Variants in LIN28A observed in about 807,000 individuals in gnomAD.
LIN28A encodes lin-28 RNA binding posttranscriptional regulator A.
LIN28A carries 11 observed loss-of-function variants against 21.1 expected under a neutral mutation model. That is an observed-to-expected ratio of 0.52 (90% CI 0.33 to 0.86). The LOEUF is 0.86. Among genes scored for constraint, LIN28A ranks in the 40% least tolerant of loss-of-function variants. The pLI is 0.03. For synonymous variants in LIN28A, 111 were observed against 108.7 expected (o/e 1.02, Z -0.13); for missense variants, 219 against 279.8 (o/e 0.78, Z 1.55).
At chr1:26,420,040 C>G (rs1345401082) in intron 2 of LIN28A, among the ~76,000 whole-genome samples, 1 of 152,208 alleles carries the variant, frequency 6.6e-6, no homozygotes, top group Non-Finnish European at 1.5e-5. Context: ...TCACTGCAAG[C>G]TCTGCCTCCC....
intron 2 of LIN28A, among the ~76,000 whole-genome samples, chr1:26,416,258 G>T (rs544069719): frequency 6.6e-6 from 1 of 152,318 alleles, no homozygotes; most frequent in South Asian, 2.1e-4. Flanking sequence ...CTCCCAAAGT[G>T]CTGGGATTAC....
chr1:26,413,758 C>T (rs898121563), intron 2 of LIN28A, among the ~76,000 whole-genome samples: 12 of 151,364 alleles, frequency 7.9e-5, no homozygotes, highest in African/African-American at 2.9e-4. Context: ...CCACCTTAAC[C>T]GTAAGTTAGA....
Position 26,411,636 on chromosome 1 carries a change from C to G in LIN28A, c.228+54C>G. The G allele has an allele frequency of 6.4e-7, 1 of 1,558,830 alleles. No homozygotes were observed. Among genetic ancestry groups the G allele is most frequent in the Non-Finnish European group, 8.7e-7 (1 of 1,143,860 alleles). ...GGGAAGGGCGTCTAGGCGCCCATAT[C>G]CACGGGTGGGCTCCGGGCTCGCAGT... is the stretch of plus-strand genomic sequence containing the variant. On this transcript the variant is annotated intron_variant, in intron 2 of 3. Coordinates refer to ENST00000326279, the MANE Select transcript of LIN28A (RefSeq NM_024674.6). This position sits in a 1 kb window ranked among gnomAD's most constrained non-coding sequence, Gnocchi z 5.4.
intron 2 of LIN28A, among the ~76,000 whole-genome samples, chr1:26,413,265 G>A (rs902254199): frequency 3.3e-5 from 5 of 152,126 alleles, no homozygotes; most frequent in East Asian, 1.9e-4. Flanking sequence ...CAGACCCAAC[G>A]TTTTCTCATC....
intron 2 of LIN28A, among the ~76,000 whole-genome samples, chr1:26,420,235 G>A (rs2075020710): frequency 6.6e-6 from 1 of 152,224 alleles, no homozygotes; most frequent in South Asian, 2.1e-4. Context: ...AAATTGCTGG[G>A]ATTACAGTTG....
At chr1:26,425,209 C>T (rs2075051653) in intron 2 of LIN28A, 94 bp from the exon 3 acceptor site, 1 of 1,247,836 alleles carries the variant, frequency 8.0e-7, no homozygotes, top group Non-Finnish European at 1.1e-6. Flanking sequence ...AGTACCATCA[C>T]ATTTGATTCC....
intron 2 of LIN28A, among the ~76,000 whole-genome samples, chr1:26,415,815 G>T (rs748062266): frequency 3.3e-5 from 5 of 152,064 alleles, no homozygotes; most frequent in Non-Finnish European, 5.9e-5. Context: ...TGGAAGCCAC[G>T]GATTTAGTGG....
intron 3 of LIN28A, 92 bp downstream of exon 3, chr1:26,425,579 G>C: frequency 8.1e-7 from 1 of 1,237,766 alleles, no homozygotes. Context: ...AAAAGACAAA[G>C]GGAAGCCTGT....
chr1:26,421,197 C>CT (rs1240109235), intron 2 of LIN28A, among the ~76,000 whole-genome samples: 1 of 152,126 alleles, frequency 6.6e-6, no homozygotes, highest in East Asian at 1.9e-4. Flanking sequence ...TCTTTCTCAG[C>CT]TGAATGATTA....
At position 26,411,084 on chromosome 1, in the gene LIN28A, C is replaced by T. The variant is rs1004880309; in HGVS notation, c.31+162C>T. Among the ~76,000 whole-genome samples the T allele has an allele frequency of 1.3e-5, 2 of 152,200 alleles. No individual in the cohort carries two copies. The highest frequency in any genetic ancestry group is 4.8e-5 in the African/African-American group (2 of 41,458). On this transcript the variant is annotated intron_variant, in intron 1 of 3. Transcript: ENST00000326279. This position sits in a 1 kb window ranked among gnomAD's most constrained non-coding sequence, Gnocchi z 5.4. ...TCTCTGGGGCCAGGAACCTTGGTGT[C>T]CCAGTGGCGTGCGCGCCAGACTACG...
intron 2 of LIN28A, among the ~76,000 whole-genome samples, chr1:26,421,264 G>C (rs1220694714): frequency 6.6e-6 from 1 of 152,098 alleles, no homozygotes; most frequent in African/African-American, 2.4e-5. Flanking sequence ...ATTATTTCAG[G>C]TACCAAAATG....
At chr1:26,413,540 GCTCTTGGAAC>G (rs1288006625) in intron 2 of LIN28A, among the ~76,000 whole-genome samples, 9 of 152,092 alleles carry the variant, frequency 5.9e-5, no homozygotes, top group Non-Finnish European at 1.2e-4. Context: ...TGGATTTTAG[GCTCTTGGAAC>G]ATCCAGGAAC....
In LIN28A at chr1:26,411,330, G is replaced by A; in HGVS notation, c.32-56G>A. On this transcript the variant is annotated intron_variant, in intron 1 of 3. Coordinates refer to ENST00000326279, the MANE Select transcript of LIN28A (RefSeq NM_024674.6). The surrounding 1 kb of genome is among the most constrained non-coding windows in gnomAD (Gnocchi z 5.4). ...TCGGGTCTCCCTGCCTGGGGCCCGA[G>A]ACGGCCCTCCGATTCCGTGCCCCCC... is the stretch of plus-strand genomic sequence containing the variant. 1 of 1,457,060 alleles carries A rather than the reference G, an allele frequency of 6.9e-7. No homozygotes were observed. The highest frequency in any genetic ancestry group is 9.0e-7 in the Non-Finnish European group (1 of 1,105,904). 90.3% of individuals were successfully genotyped at this position (1,457,060 alleles called of 1,614,324 possible).
At chr1:26,425,549 C>A in intron 3 of LIN28A, 62 bp downstream of exon 3, 1 of 1,492,986 alleles carries the variant, frequency 6.7e-7, no homozygotes, top group Non-Finnish European at 9.2e-7. Flanking sequence ...CCAATCCTGT[C>A]ACTTTTTGGG....
Position 26,419,737 on chromosome 1 carries a change from A to G in LIN28A, c.229-5566A>G, listed in dbSNP as rs140597510. 1.2e-3 allele frequency among the ~76,000 whole-genome samples: 186 copies of G among 152,270 alleles called. 1 individual carries two copies. The highest frequency in any genetic ancestry group is 4.1e-3 in the African/African-American group (172 of 41,554). ...TATAGATGATTAAAGAAAGGAGGGA[A>G]CAGGCCATCAGACTCAATCAACCCT... is the stretch of plus-strand genomic sequence containing the variant. On this transcript the variant is annotated intron_variant, in intron 2 of 3. Transcript: ENST00000326279.
chr1:26,415,485 A>C (rs1165511882), intron 2 of LIN28A, among the ~76,000 whole-genome samples: 1 of 152,150 alleles, frequency 6.6e-6, no homozygotes, highest in African/African-American at 2.4e-5. Flanking sequence ...AGCTCTTTGA[A>C]GGGAGGAACT....
intron 2 of LIN28A, among the ~76,000 whole-genome samples, chr1:26,412,376 GC>G (rs1301774214): frequency 3.3e-5 from 5 of 152,090 alleles, no homozygotes; most frequent in Non-Finnish European, 7.4e-5. Flanking sequence ...GGCATTTATG[GC>G]CCCAGACAGC....
chr1:26,420,375 A>G (rs1057453312), intron 2 of LIN28A, among the ~76,000 whole-genome samples: 1 of 152,060 alleles, frequency 6.6e-6, no homozygotes, highest in Non-Finnish European at 1.5e-5. Flanking sequence ...CATGGTGTGT[A>G]ATCCCAGCAC....
intron 2 of LIN28A, among the ~76,000 whole-genome samples, chr1:26,418,146 G>A (rs1270344261): frequency 6.6e-6 from 1 of 152,124 alleles, no homozygotes; most frequent in East Asian, 1.9e-4. Flanking sequence ...GGTACTTGGT[G>A]TGGGTTGGAT....
Sources: gnomAD v4.1 joint callset for allele counts (sites outside exome capture counted in the v4.1 genomes callset) on GRCh38, gnomAD v4.1.1 for gene constraint, Gnocchi (gnomAD v3.1) non-coding constraint, MANE v1.5 for transcripts, NCBI Gene and HGNC (gene_info 2026-07-23, HGNC 2026-07-21) for gene names.